The following DENND2B variants were observed in gnomAD, a reference collection of about 807,000 sequenced individuals.
The protein encoded by DENND2B is DENN domain containing 2B, also known as DENN domain-containing protein 2B.
Under a neutral mutation model 116.0 loss-of-function variants are expected in DENND2B, and 32 were observed. The ratio of observed to expected loss-of-function variants is 0.28; its 90% confidence interval spans 0.21 to 0.37. The LOEUF (loss-of-function observed/expected upper bound fraction) is 0.37. Among genes scored for constraint, DENND2B ranks in the 10% least tolerant of loss-of-function variants. DENND2B has a pLI of 1.00. For missense variants in DENND2B, 1,276 were observed against 1,477.7 expected, an observed-to-expected ratio of 0.86 and a Z score of 2.24; for synonymous variants, 588 against 583.9, an observed-to-expected ratio of 1.01 and a Z score of -0.10.
intron 2 of DENND2B, among the ~76,000 whole-genome samples, chr11:8,744,892 C>T (rs1290252462): frequency 4.0e-5 from 6 of 151,340 alleles, no homozygotes; most frequent in African/African-American, 7.3e-5. Context: ...AATGAACCTG[C>T]GCCCCAAAAG....
intron 2 of DENND2B, among the ~76,000 whole-genome samples, chr11:8,738,452 T>C (rs1004168424): frequency 2.0e-5 from 3 of 152,188 alleles, no homozygotes; most frequent in Admixed American, 1.3e-4. Context: ...GAGAAACTCA[T>C]TCCAGAGGGG....
intron 4 of DENND2B, chr11:8,718,110 C>CCACCCCCCCACCCCCCCACCCCCA (rs2045364242): frequency 4.0e-6 from 1 of 252,544 alleles, no homozygotes; most frequent in African/African-American, 2.5e-5. Flanking sequence ...CCCCACCCCC[C>CCACCCCCCCACCCCCCCACCCCCA]CCAACCCCCC....
chr11:8,769,792 A>G (rs1449788877), intron 1 of DENND2B, among the ~76,000 whole-genome samples: 1 of 152,156 alleles, frequency 6.6e-6, no homozygotes, highest in Admixed American at 6.5e-5. Flanking sequence ...AGCACAAAAA[A>G]TCTGTCCCTT....
chr11:8,782,836 G>A (rs912578889), intron 1 of DENND2B, among the ~76,000 whole-genome samples: 12 of 142,704 alleles, frequency 8.4e-5, no homozygotes, highest in Non-Finnish European at 1.3e-4. Flanking sequence ...GCAGTGAGCC[G>A]AGATCACGCC....
intron 1 of DENND2B, among the ~76,000 whole-genome samples, chr11:8,761,363 T>C (rs1440748638): frequency 6.6e-6 from 1 of 152,200 alleles, no homozygotes; most frequent in African/African-American, 2.4e-5. Flanking sequence ...GGAGGCAGAT[T>C]GGAAGCCTGA....
chr11:8,858,436 C>A, intron 2 of DENND2B, among the ~76,000 whole-genome samples: 1 of 151,916 alleles, frequency 6.6e-6, no homozygotes, highest in East Asian at 1.9e-4. Flanking sequence ...AGAAGGCCTC[C>A]CTGAGGTGGC....
In DENND2B at chr11:8,712,884, G is replaced by T; in HGVS notation, c.1988-149C>A. On this transcript the variant is annotated intron_variant, in intron 8 of 19. Coordinates refer to ENST00000313726, the MANE Select transcript of DENND2B (RefSeq NM_213618.2). This position sits in a 1 kb window ranked among gnomAD's most constrained non-coding sequence, Gnocchi z 4.4. ...CCCCAGCTCACAGTGCAGGAGGACC[G>T]GCAGGCACAAGGTGCTGACCCCTGC... 1 of 841,760 alleles carries T rather than the reference G, an allele frequency of 1.2e-6. No homozygotes were observed. Among genetic ancestry groups the T allele is most frequent in the Non-Finnish European group, 1.8e-6 (1 of 563,792 alleles). The allele number at this position is 841,760 out of a possible 1,614,324, so 52.1% of individuals were successfully genotyped here. A position where few individuals can be genotyped will look rare whatever the true frequency, so the allele number is the denominator to read the frequency against.
chr11:8,734,726 T>C (rs2048682024), intron 2 of DENND2B, among the ~76,000 whole-genome samples: 1 of 147,714 alleles, frequency 6.8e-6, no homozygotes, highest in African/African-American at 2.5e-5. Context: ...GAGGCGGAGG[T>C]TGCAGTGAGC....
intron 1 of DENND2B, among the ~76,000 whole-genome samples, chr11:8,754,028 C>CGCGCGT (rs898391155): frequency 8.2e-5 from 7 of 85,362 alleles, no homozygotes; most frequent in African/African-American, 2.2e-4. Context: ...ACCAAAAGCG[C>CGCGCGT]GCACACACAC....
intron 3 of DENND2B, among the ~76,000 whole-genome samples, chr11:8,728,866 C>T (rs1056372405): frequency 2.0e-5 from 3 of 152,220 alleles, no homozygotes; most frequent in Admixed American, 6.5e-5. Context: ...TGGTGCACAG[C>T]AGGCTCTAGA....
At chr11:8,812,641 C>T (rs2061430929), upstream of DENND2B, among the ~76,000 whole-genome samples, 1 of 152,204 alleles carries the variant, frequency 6.6e-6, no homozygotes. Context: ...AAGACCTTGG[C>T]AGTGCCTGAC....
At chr11:8,807,405 T>C (rs905486738) in intron 1 of DENND2B, among the ~76,000 whole-genome samples, 1 of 152,258 alleles carries the variant, frequency 6.6e-6, no homozygotes, top group Non-Finnish European at 1.5e-5. Flanking sequence ...CAGCCTCTCT[T>C]AGGTCTAGGC....
At chr11:8,859,409 G>A (rs558869601) in intron 2 of DENND2B, among the ~76,000 whole-genome samples, 2 of 152,174 alleles carry the variant, frequency 1.3e-5, no homozygotes, top group East Asian at 1.9e-4. Flanking sequence ...CCGGGTTCAC[G>A]CCATTCTCCT....
At chr11:8,731,346 A>G (rs1013672520) in intron 2 of DENND2B, 137 bp from the exon 3 acceptor site, 9 of 846,316 alleles carry the variant, frequency 1.1e-5, no homozygotes, top group Middle Eastern at 3.1e-4. Flanking sequence ...CTATTCAAGT[A>G]ATATACCTTG....
rs1197048755 is a variant in DENND2B at position 8,718,852 on chromosome 11, T to G, written c.1478-960A>C. 6 of 995,612 alleles carry G rather than the reference T, an allele frequency of 6.0e-6. No homozygotes were observed. The South Asian group carries it at 2.6e-4, about 44-fold the overall frequency. 61.7% of individuals were successfully genotyped at this position (995,612 alleles called of 1,614,324 possible). A position where few individuals can be genotyped will look rare whatever the true frequency, so the allele number is the denominator to read the frequency against. On this transcript the variant is annotated intron_variant, in intron 4 of 19. Coordinates refer to ENST00000313726, the MANE Select transcript of DENND2B (RefSeq NM_213618.2). The stretch of plus-strand genomic sequence containing the variant: ...AAGCTGTATCTCCTGCCCCCACCCC[T>G]CCAACACACACATTTTCTAAAATAG...
At chr11:8,883,083 T>C (rs954741335) in intron 1 of DENND2B, among the ~76,000 whole-genome samples, 1 of 152,332 alleles carries the variant, frequency 6.6e-6, no homozygotes. Flanking sequence ...CAGAGTTACT[T>C]GCACAGAATT....
chr11:8,834,824 G>A (rs962042430), intron 4 of DENND2B, among the ~76,000 whole-genome samples: 1 of 152,138 alleles, frequency 6.6e-6, no homozygotes, highest in Admixed American at 6.5e-5. Context: ...CACCAGACAT[G>A]GTAGCCAGAT....
At chr11:8,883,280 C>A (rs1372327081) in intron 1 of DENND2B, among the ~76,000 whole-genome samples, 1 of 152,128 alleles carries the variant, frequency 6.6e-6, no homozygotes, top group Non-Finnish European at 1.5e-5. Flanking sequence ...GGTTAGCCAA[C>A]AAGCATTCTG....
At chr11:8,774,012 G>T in intron 1 of DENND2B, 1 of 685,742 alleles carries the variant, frequency 1.5e-6, no homozygotes, top group Non-Finnish European at 1.8e-6. Context: ...TGGATGTGTT[G>T]CCTACCCTCT....
Sources: gnomAD v4.1 joint callset for allele counts (sites outside exome capture counted in the v4.1 genomes callset) on GRCh38, gnomAD v4.1.1 for gene constraint, Gnocchi (gnomAD v3.1) non-coding constraint, MANE v1.5 for transcripts, NCBI Gene and HGNC (gene_info 2026-07-23, HGNC 2026-07-21) for gene names.